The following TULP3 variants were observed in gnomAD, a reference collection of about 807,000 sequenced individuals.
TULP3 encodes the protein TUB like protein 3.
In TULP3, 38 loss-of-function variants were observed where a neutral mutation model predicts 50.7. That is an observed-to-expected ratio of 0.75 (90% CI 0.58 to 0.98). The LOEUF (loss-of-function observed/expected upper bound fraction) is 0.98. Ranked by LOEUF, TULP3 falls within the 50% of genes least tolerant of loss-of-function variation. The pLI is 0.00. For synonymous variants in TULP3, 183 were observed against 196.6 expected, an observed-to-expected ratio of 0.93 and a Z score of 0.58; for missense variants, 550 against 568.0, an observed-to-expected ratio of 0.97 and a Z score of 0.32.
At chr12:2,913,286 C>T (rs374212145) in intron 2 of TULP3, among the ~76,000 whole-genome samples, 119 of 149,880 alleles carry the variant, frequency 7.9e-4, no homozygotes, top group South Asian at 5.1e-3. Context: ...CTCACTCTGT[C>T]ACCCAGGCTG....
At chr12:2,922,855 A>T (rs1045187806) in intron 4 of TULP3, among the ~76,000 whole-genome samples, 11 of 136,796 alleles carry the variant, frequency 8.0e-5, no homozygotes, top group Non-Finnish European at 9.2e-5. Flanking sequence ...TAGAAAAATA[A>T]TTTTTTTTTT....
chr12:2,911,838 C>G (rs548388749), intron 2 of TULP3, among the ~76,000 whole-genome samples: 2 of 151,330 alleles, frequency 1.3e-5, no homozygotes, highest in African/African-American at 2.4e-5. Context: ...AAATAACGTA[C>G]GAGAAGCTGG....
At chr12:2,926,531 C>T (rs534405325) in intron 4 of TULP3, among the ~76,000 whole-genome samples, 141 of 152,310 alleles carry the variant, frequency 9.3e-4, no homozygotes, top group Middle Eastern at 3.4e-3. Context: ...AAAAAGTGTC[C>T]TTTGCAAAGC....
At chr12:2,909,341 G>A (rs1279774548) in intron 1 of TULP3, among the ~76,000 whole-genome samples, 188 bp from the exon 2 acceptor site, 1 of 152,078 alleles carries the variant, frequency 6.6e-6, no homozygotes, top group Non-Finnish European at 1.5e-5. Flanking sequence ...AGGTCCTCTG[G>A]AATAAGTGTG....
At chr12:2,929,811 A>C (rs759142567) in intron 4 of TULP3, among the ~76,000 whole-genome samples, 8 of 151,950 alleles carry the variant, frequency 5.3e-5, no homozygotes, top group African/African-American at 1.7e-4. Context: ...GGATGGTCTC[A>C]ATCTCCTGAC....
At chr12:2,932,704 T>C (rs994300589) in intron 6 of TULP3, among the ~76,000 whole-genome samples, 1 of 152,112 alleles carries the variant, frequency 6.6e-6, no homozygotes, top group Non-Finnish European at 1.5e-5. Flanking sequence ...TATTTATTTA[T>C]TGGATTTTGC....
At chr12:2,931,371 TC>T in intron 6 of TULP3, 131 bp downstream of exon 6, 1 of 814,616 alleles carries the variant, frequency 1.2e-6, no homozygotes, top group Non-Finnish European at 1.9e-6. Flanking sequence ...TATCTTTCAG[TC>T]CCCAGATGCT....
chr12:2,901,827 C>T (rs1323542689), intron 1 of TULP3, among the ~76,000 whole-genome samples: 1 of 152,034 alleles, frequency 6.6e-6, no homozygotes, highest in Admixed American at 6.6e-5. Context: ...CTTTGCAGAA[C>T]AAAAGTTTTT....
At chr12:2,906,044 T>C (rs2098182016) in intron 1 of TULP3, among the ~76,000 whole-genome samples, 1 of 150,032 alleles carries the variant, frequency 6.7e-6, no homozygotes, top group Non-Finnish European at 1.5e-5. Flanking sequence ...TTTTTTTTTT[T>C]TTTTGAGAGA....
chr12:2,899,897 AAAAAACAAAC>A (rs1379731751), intron 1 of TULP3, among the ~76,000 whole-genome samples: 1 of 48,150 alleles, frequency 2.1e-5, no homozygotes, highest in Non-Finnish European at 3.9e-5. Context: ...CGTCTCAAAA[AAAAAACAAAC>A]AAAAAAAAAA....
intron 2 of TULP3, among the ~76,000 whole-genome samples, chr12:2,915,790 C>T (rs890120110): frequency 2.0e-5 from 3 of 151,950 alleles, no homozygotes; most frequent in Non-Finnish European, 2.9e-5. Context: ...GTGATCTGCC[C>T]GCCTCAGCCT....
intron 6 of TULP3, among the ~76,000 whole-genome samples, chr12:2,931,855 A>G (rs1416676602): frequency 6.6e-6 from 1 of 152,142 alleles, no homozygotes; most frequent in Non-Finnish European, 1.5e-5. Flanking sequence ...ATATATATCT[A>G]TATATATTAT....
chr12:2,897,898 G>A (rs911678559), intron 1 of TULP3, among the ~76,000 whole-genome samples: 2 of 151,752 alleles, frequency 1.3e-5, no homozygotes, highest in African/African-American at 4.8e-5. Context: ...GGGCAGCATG[G>A]TGAAACCCTG....
chr12:2,906,306 A>G (rs2098182199), intron 1 of TULP3, among the ~76,000 whole-genome samples: 1 of 151,566 alleles, frequency 6.6e-6, no homozygotes, highest in South Asian at 2.1e-4. Flanking sequence ...CTGGGAATAC[A>G]GGCGTGAGCC....
At chr12:2,916,217 G>T (rs2098188601) in intron 2 of TULP3, among the ~76,000 whole-genome samples, 1 of 151,200 alleles carries the variant, frequency 6.6e-6, no homozygotes, top group African/African-American at 2.4e-5. Flanking sequence ...CGGCATGTTG[G>T]CCTCGAATTC....
At chr12:2,905,751 G>GT (rs1300118849) in intron 1 of TULP3, among the ~76,000 whole-genome samples, 3 of 151,958 alleles carry the variant, frequency 2.0e-5, no homozygotes, top group Middle Eastern at 3.4e-3. Context: ...AGACACACCT[G>GT]TTTTTTTCAC....
intron 1 of TULP3, among the ~76,000 whole-genome samples, chr12:2,901,378 ATTTTG>A (rs1431406135): frequency 1.9e-5 from 1 of 53,878 alleles, no homozygotes; most frequent in East Asian, 4.6e-4. Context: ...CCCAATTTTT[ATTTTG>A]TTTTATTTTA....
chr12:2,922,319 GCTC>G lies in TULP3; in HGVS notation c.315_317del (p.Ser106del). 1 of 1,614,130 alleles carries G rather than the reference GCTC, an allele frequency of 6.2e-7. No individual in the cohort carries two copies. Among genetic ancestry groups the G allele is most frequent in the Non-Finnish European group, 8.5e-7 (1 of 1,180,022 alleles). ...GACGAAGTTCATGCTCCATCAGTAA[GCTC>G]CTCTGTTGTGGAAGAAGATGCTGAA... On this transcript the variant is annotated inframe_deletion, in exon 4 of 11. Coordinates refer to ENST00000448120, the MANE Select transcript of TULP3 (RefSeq NM_003324.5).
At chr12:2,912,131 T>A (rs1162221046) in intron 2 of TULP3, among the ~76,000 whole-genome samples, 2 of 152,062 alleles carry the variant, frequency 1.3e-5, no homozygotes. Flanking sequence ...GAAGAAAACA[T>A]TGGGCTGGGA....
Sources: gnomAD v4.1 joint callset for allele counts (sites outside exome capture counted in the v4.1 genomes callset) on GRCh38, gnomAD v4.1.1 for gene constraint, MANE v1.5 for transcripts, NCBI Gene and HGNC (gene_info 2026-07-23, HGNC 2026-07-21) for gene names.